Variants in FREM2 observed in about 807,000 individuals in gnomAD.
FREM2 encodes the protein FRAS1-related extracellular matrix protein 2.
In FREM2, 119 loss-of-function variants were observed where a neutral mutation model predicts 219.9. The observed-to-expected ratio is 0.54, with a 90% CI of 0.47 to 0.63. The LOEUF is 0.63. Ranked by LOEUF, FREM2 falls within the 30% of genes least tolerant of loss-of-function variation. The probability of loss-of-function intolerance (pLI) is 0.00; values close to 1 mark genes in which losing one functional copy is unlikely to be tolerated. For synonymous variants in FREM2, 1,562 were observed against 1,522.8 expected (o/e 1.03, Z -0.60); for missense variants, 4,030 against 3,993.6 (o/e 1.01, Z -0.25).
intron 2 of FREM2, among the ~76,000 whole-genome samples, chr13:38,762,118 C>CTG (rs1467690109): frequency 6.6e-6 from 1 of 152,078 alleles, no homozygotes; most frequent in African/African-American, 2.4e-5. Flanking sequence ...CCTCAGAGCA[C>CTG]TGTGTGTGTG....
At chr13:38,721,098 A>G (rs1871221966) in intron 2 of FREM2, among the ~76,000 whole-genome samples, 1 of 152,176 alleles carries the variant, frequency 6.6e-6, no homozygotes, top group Non-Finnish European at 1.5e-5. Flanking sequence ...GCAAACCACC[A>G]TGGCACAAGT....
rs1189749446 is a variant in FREM2, at chr13:38,689,874, C to G, written c.2530C>G (p.His844Asp). ...NTGFTIQEKG[H>D]HILSETELHV... Reference sequence around the variant, plus strand: ...CGGCTTCACTATTCAGGAGAAGGGTCACCACATCCTGAGTGAGACAGAGTT... The same window carrying G: ...CGGCTTCACTATTCAGGAGAAGGGTGACCACATCCTGAGTGAGACAGAGTT... Residue 844 changes from histidine (H) to aspartate (D), a missense_variant, in exon 1 of 24, where the codon CAC (histidine) becomes GAC (aspartate). This residue lies in a region of FREM2 where 3,102 missense variants were observed against 2,950.7 expected (regional missense o/e 1.05). Coordinates refer to ENST00000280481, the MANE Select transcript of FREM2 (RefSeq NM_207361.6). 6.2e-7 allele frequency: 1 copy of G among 1,614,120 alleles called. No homozygotes were observed. Among genetic ancestry groups the G allele is most frequent in the Non-Finnish European group, 8.5e-7 (1 of 1,180,024 alleles).
chr13:38,747,306 C>G (rs1872523854), intron 2 of FREM2, among the ~76,000 whole-genome samples: 1 of 151,900 alleles, frequency 6.6e-6, no homozygotes, highest in Non-Finnish European at 1.5e-5. Flanking sequence ...TTGAAGGGTA[C>G]TCATGGTCTG....
intron 6 of FREM2, 39 bp downstream of exon 6, chr13:38,784,847 A>C: frequency 6.2e-7 from 1 of 1,608,426 alleles, no homozygotes; most frequent in Non-Finnish European, 8.5e-7. Context: ...TTTCCCGGGA[A>C]GATCAACATC....
At position 38,837,790 on chromosome 13, in the gene FREM2, G is replaced by GTT. The variant is rs796568760; in HGVS notation, c.6020-8779_6020-8778dup. Among the ~76,000 whole-genome samples, 4 of 137,052 alleles carry GTT rather than the reference G, an allele frequency of 2.9e-5. 1 individual carries two copies. Among genetic ancestry groups the GTT allele is most frequent in the African/African-American group, 1.0e-4 (4 of 38,100 alleles). The allele number at this position is 137,052 out of a possible 152,430, so 89.9% of individuals were successfully genotyped here. ...GTTTTTTTTTGTTTTGTTTTGTTTT[G>GTT]TTTTTGCTTTCCATTTGCTTGGTAA... On this transcript the variant is annotated intron_variant, in intron 6 of 23. Transcript: ENST00000280481.
At chr13:38,869,977 G>A (rs1878104752) in intron 16 of FREM2, among the ~76,000 whole-genome samples, 1 of 152,142 alleles carries the variant, frequency 6.6e-6, no homozygotes, top group Non-Finnish European at 1.5e-5. Flanking sequence ...ACATCGTTCA[G>A]TGTGCATGAA....
At chr13:38,790,032 T>C (rs1448519154) in intron 6 of FREM2, among the ~76,000 whole-genome samples, 1 of 152,284 alleles carries the variant, frequency 6.6e-6, no homozygotes, top group South Asian at 2.1e-4. Context: ...AGAGTAGTTT[T>C]GCTTTTATAT....
At chr13:38,865,769 G>A (rs985572646) in intron 16 of FREM2, among the ~76,000 whole-genome samples, 2 of 152,186 alleles carry the variant, frequency 1.3e-5, no homozygotes, top group African/African-American at 2.4e-5. Context: ...AATAGCAATA[G>A]AGAAGCAGTA....
At chr13:38,791,315 G>C (rs993684940) in intron 6 of FREM2, among the ~76,000 whole-genome samples, 1 of 152,152 alleles carries the variant, frequency 6.6e-6, no homozygotes, top group African/African-American at 2.4e-5. Flanking sequence ...CAGTTTCCAC[G>C]TGTGAATTTG....
intron 2 of FREM2, among the ~76,000 whole-genome samples, chr13:38,722,926 G>A (rs1206237592): frequency 6.6e-6 from 1 of 151,978 alleles, no homozygotes; most frequent in African/African-American, 2.4e-5. Flanking sequence ...TTTAAACTTC[G>A]AGGTATGCAA....
intron 2 of FREM2, among the ~76,000 whole-genome samples, chr13:38,703,103 C>T (rs558304021): frequency 1.8e-4 from 27 of 152,052 alleles, no homozygotes; most frequent in Non-Finnish European, 1.2e-4. Flanking sequence ...AAGAGACTAC[C>T]GGAAGCCTTT....
chr13:38,743,539 T>G (rs1872334139), intron 2 of FREM2, among the ~76,000 whole-genome samples: 1 of 152,052 alleles, frequency 6.6e-6, no homozygotes, highest in Non-Finnish European at 1.5e-5. Context: ...AAAATCTATT[T>G]TAAAGCAAGC....
Position 38,866,667 on chromosome 13 carries a change from C to CAA in FREM2, c.7983+2078_7983+2079dup, listed in dbSNP as rs34237877. 7.2e-3 allele frequency among the ~76,000 whole-genome samples: 840 copies of CAA among 115,970 alleles called. 29 individuals are homozygous for CAA. The East Asian group carries it at 0.11, about 16-fold the overall frequency. The allele number at this position is 115,970 out of a possible 152,430, so 76.1% of individuals were successfully genotyped here. ...GGGCAACAAGAGTGAAACTCCATCT[C>CAA]AAAAAAAAAAAAAAAAAATCACTTC... On this transcript the variant is annotated intron_variant, in intron 16 of 23. Coordinates refer to ENST00000280481, the MANE Select transcript of FREM2 (RefSeq NM_207361.6).
chr13:38,731,666 G>T (rs112486589), intron 2 of FREM2, among the ~76,000 whole-genome samples: 1 of 152,102 alleles, frequency 6.6e-6, no homozygotes, highest in Non-Finnish European at 1.5e-5. Flanking sequence ...TTAGTATTGC[G>T]TTCAAGATGC....
At chr13:38,830,821 A>G (rs1276193248) in intron 6 of FREM2, among the ~76,000 whole-genome samples, 1 of 152,038 alleles carries the variant, frequency 6.6e-6, no homozygotes, top group Non-Finnish European at 1.5e-5. Flanking sequence ...CATCTCGGGA[A>G]CCTCTGCACT....
chr13:38,854,273 A>G (rs1877478179), intron 11 of FREM2, among the ~76,000 whole-genome samples: 1 of 152,026 alleles, frequency 6.6e-6, no homozygotes. Flanking sequence ...AATATTTAAA[A>G]TAAATATTTA....
intron 2 of FREM2, among the ~76,000 whole-genome samples, chr13:38,721,513 G>C (rs1871255608): frequency 6.6e-6 from 1 of 152,142 alleles, no homozygotes; most frequent in Non-Finnish European, 1.5e-5. Context: ...ACAGTAGCAA[G>C]CTGACCCTCA....
chr13:38,856,178 C>G lies in FREM2; in HGVS notation c.6978C>G (p.Thr2326=). The change falls in exon 12 of 24, where the codon ACC becomes ACG. Residue 2326 remains threonine (T), a synonymous_variant. Transcript: ENST00000280481. ...AGCACGTGGTTGAAATCGAAGTTAC[C>G]TTTGACGGGGTGAGAGAGATGAGAG... is the stretch of plus-strand genomic sequence containing the variant. The part of the protein sequence containing the change: ...ETQHVVEIEV[T]FDGVREMREA... The G allele has an allele frequency of 1.9e-6, 3 of 1,611,392 alleles. No individual in the cohort carries two copies. The highest frequency in any genetic ancestry group is 2.5e-6 in the Non-Finnish European group (3 of 1,177,996).
intron 3 of FREM2, among the ~76,000 whole-genome samples, chr13:38,765,962 G>A (rs1873418232): frequency 6.6e-6 from 1 of 152,166 alleles, no homozygotes; most frequent in Non-Finnish European, 1.5e-5. Context: ...TGCACATCCT[G>A]TCTTATCATC....
Sources: gnomAD v4.1 joint callset for allele counts (sites outside exome capture counted in the v4.1 genomes callset) on GRCh38, gnomAD v4.1.1 for gene constraint, gnomAD v4.1.1 regional missense constraint, MANE v1.5 for transcripts, NCBI Gene and HGNC (gene_info 2026-07-23, HGNC 2026-07-21) for gene names.